Variants in RAB38 observed in about 807,000 individuals in gnomAD.
RAB38 encodes the protein RAB38, member RAS oncogene family, also known as ras-related protein Rab-38.
Under a neutral mutation model 18.4 loss-of-function variants are expected in RAB38, and 15 were observed. That is an observed-to-expected ratio of 0.82 (90% CI 0.55 to 1.26). The LOEUF is 1.26. RAB38 is among the 50% of genes most tolerant of loss of function. The pLI, the probability that RAB38 is intolerant of heterozygous loss-of-function variation, is 0.00. For missense variants in RAB38, 294 were observed against 267.4 expected, an observed-to-expected ratio of 1.10 and a Z score of -0.69; for synonymous variants, 101 against 104.4, an observed-to-expected ratio of 0.97 and a Z score of 0.20.
the RAB38 span, among the ~76,000 whole-genome samples, chr11:87,898,078 T>G: frequency 1.0e-3 from 159 of 151,694 alleles, 1 homozygote; most frequent in South Asian, 7.0e-3. Flanking sequence ...AAGAGAAATA[T>G]CCCAACTCTT....
chr11:87,925,158 C>T, the RAB38 span, among the ~76,000 whole-genome samples: 33 of 152,124 alleles, frequency 2.2e-4, 1 homozygote, highest in Middle Eastern at 3.4e-3. Context: ...ATCCACCAAA[C>T]CTGACTTCAC....
At chr11:87,868,396 A>C in the RAB38 span, among the ~76,000 whole-genome samples, 3 of 151,662 alleles carry the variant, frequency 2.0e-5, no homozygotes, top group African/African-American at 7.3e-5. Context: ...TGTTAGTGCT[A>C]TGCTTCTTGT....
At chr11:87,874,952 A>T in the RAB38 span, among the ~76,000 whole-genome samples, 9 of 151,510 alleles carry the variant, frequency 5.9e-5, no homozygotes, top group African/African-American at 2.2e-4. Context: ...CTGGGTATAT[A>T]TTCAAAGGAG....
chr11:88,034,305 G>T, the RAB38 span, among the ~76,000 whole-genome samples: 6 of 152,186 alleles, frequency 3.9e-5, no homozygotes, highest in East Asian at 7.7e-4. Context: ...ACACGTAAGT[G>T]TTATGAATAT....
chr11:87,944,178 T>C, the RAB38 span, among the ~76,000 whole-genome samples: 10 of 152,158 alleles, frequency 6.6e-5, no homozygotes, highest in African/African-American at 2.4e-4. Flanking sequence ...AAGTACTTTA[T>C]TGCTAAAAAT....
At chr11:88,043,612 C>A in the RAB38 span, among the ~76,000 whole-genome samples, 1 of 145,166 alleles carries the variant, frequency 6.9e-6, no homozygotes, top group African/African-American at 2.6e-5. Flanking sequence ...ACCCCCCCAC[C>A]CTGCCCACCG....
At chr11:88,017,723 A>G in the RAB38 span, among the ~76,000 whole-genome samples, 2 of 144,000 alleles carry the variant, frequency 1.4e-5, no homozygotes, top group Non-Finnish European at 3.0e-5. Flanking sequence ...TATAATATAT[A>G]TTATATATAT....
At chr11:87,966,949 A>T in the RAB38 span, among the ~76,000 whole-genome samples, 15 of 152,162 alleles carry the variant, frequency 9.9e-5, no homozygotes, top group African/African-American at 3.4e-4. Context: ...TTCCCAAAGG[A>T]CTCACAATCA....
At chr11:87,862,807 G>A in the RAB38 span, among the ~76,000 whole-genome samples, 5 of 151,590 alleles carry the variant, frequency 3.3e-5, no homozygotes, top group East Asian at 3.9e-4. Context: ...CTAAATGGCC[G>A]GTATTATCAC....
At chr11:87,834,956 T>C in the RAB38 span, among the ~76,000 whole-genome samples, 1 of 152,224 alleles carries the variant, frequency 6.6e-6, no homozygotes, top group Non-Finnish European at 1.5e-5. Context: ...TCAATGTGTC[T>C]GGAAAATGGA....
chr11:88,102,888 A>C, the RAB38 span, among the ~76,000 whole-genome samples: 3 of 151,994 alleles, frequency 2.0e-5, no homozygotes, highest in African/African-American at 4.8e-5. Context: ...TAAATATTAC[A>C]TTGTTACTCC....
chr11:87,942,838 T>TAATC, the RAB38 span, among the ~76,000 whole-genome samples: 2 of 152,188 alleles, frequency 1.3e-5, no homozygotes, highest in African/African-American at 4.8e-5. Context: ...GATTCTGTCA[T>TAATC]AATCATTCTC....
the RAB38 span, among the ~76,000 whole-genome samples, chr11:88,085,031 G>C: frequency 3.9e-5 from 6 of 151,986 alleles, no homozygotes; most frequent in East Asian, 9.7e-4. Flanking sequence ...TTAGTAACAG[G>C]ACTGCTTAAA....
chr11:88,055,446 G>A, the RAB38 span, among the ~76,000 whole-genome samples: 1 of 152,142 alleles, frequency 6.6e-6, no homozygotes, highest in East Asian at 1.9e-4. Flanking sequence ...CCACTAAAAT[G>A]TTCTTAGAGT....
chr11:88,150,352 T>A (rs1943049468), intron 1 of RAB38, among the ~76,000 whole-genome samples: 1 of 152,228 alleles, frequency 6.6e-6, no homozygotes, highest in South Asian at 2.1e-4. Flanking sequence ...GCCTACTGTA[T>A]TAGACTATGC....
chr11:88,115,879 A>C (rs905183873), intron 2 of RAB38: 1 of 152,136 alleles, frequency 6.6e-6, no homozygotes, highest in Admixed American at 6.5e-5. Flanking sequence ...TAAGATAAAG[A>C]TTATGTTTTT....
the RAB38 span, among the ~76,000 whole-genome samples, chr11:88,106,503 A>C: frequency 6.6e-6 from 1 of 152,192 alleles, no homozygotes; most frequent in South Asian, 2.1e-4. Flanking sequence ...TTTTGTTCTA[A>C]TATAAAGCAT....
At chr11:88,066,611 T>A in the RAB38 span, among the ~76,000 whole-genome samples, 1 of 152,136 alleles carries the variant, frequency 6.6e-6, no homozygotes, top group African/African-American at 2.4e-5. Context: ...AGTGGTTAGG[T>A]GTAGGGGCCA....
At chr11:88,039,508 G>A in the RAB38 span, among the ~76,000 whole-genome samples, 1 of 152,142 alleles carries the variant, frequency 6.6e-6, no homozygotes, top group African/African-American at 2.4e-5. Flanking sequence ...ATGCAGAAAA[G>A]TGTGCACAGG....
Sources: gnomAD v4.1 joint callset for allele counts (sites outside exome capture counted in the v4.1 genomes callset) on GRCh38, gnomAD v4.1.1 for gene constraint, MANE v1.5 for transcripts, NCBI Gene and HGNC (gene_info 2026-07-23, HGNC 2026-07-21) for gene names.